INTS7: variants seen among roughly 807,000 people sequenced by gnomAD.
The protein encoded by INTS7 is integrator complex subunit 7.
INTS7 carries 46 observed loss-of-function variants against 109.2 expected under a neutral mutation model. That is an observed-to-expected ratio of 0.42 (90% CI 0.33 to 0.54). The LOEUF (loss-of-function observed/expected upper bound fraction) is 0.54, where lower values mean the gene tolerates loss of function less well. INTS7 is among the 20% of genes least tolerant of loss of function. INTS7 has a pLI of 0.07. For synonymous variants in INTS7, 412 were observed against 402.9 expected, an observed-to-expected ratio of 1.02 and a Z score of -0.27; for missense variants, 929 against 1,132.4, an observed-to-expected ratio of 0.82 and a Z score of 2.58.
intron 10 of INTS7, among the ~76,000 whole-genome samples, chr1:211,979,767 C>A (rs776716475): frequency 2.0e-5 from 3 of 152,198 alleles, no homozygotes; most frequent in Non-Finnish European, 4.4e-5. Context: ...TGGGCTCAAA[C>A]AATCTTTCCT....
At chr1:211,945,634 T>C (rs1662815675) in intron 18 of INTS7, among the ~76,000 whole-genome samples, 2 of 152,248 alleles carry the variant, frequency 1.3e-5, no homozygotes, top group Admixed American at 1.3e-4. Context: ...GATCGTCAAA[T>C]CTTCCTCATT....
rs370234040 is a variant in INTS7, at chr1:211,966,993, T to C, written c.2115-495A>G. 3.7e-4 allele frequency among the ~76,000 whole-genome samples: 56 copies of C among 152,330 alleles called. 1 individual carries two copies. Among genetic ancestry groups the C allele is most frequent in the African/African-American group, 1.2e-3 (50 of 41,576 alleles). On this transcript the variant is annotated intron_variant, in intron 15 of 19. Transcript: ENST00000366994. ...CACATTTTGGGTGTCTCTGTATATATGCATTTTGTAGGGCAGAGGGCCCAT... is the reference window on the plus strand; with the variant it reads ...CACATTTTGGGTGTCTCTGTATATACGCATTTTGTAGGGCAGAGGGCCCAT...
chr1:212,001,731 T>C (rs1328695673), intron 7 of INTS7, among the ~76,000 whole-genome samples: 1 of 152,192 alleles, frequency 6.6e-6, no homozygotes, highest in African/African-American at 2.4e-5. Context: ...GAACTATCAG[T>C]CCTTATCTTG....
chr1:211,982,588 A>T, intron 9 of INTS7, 88 bp downstream of exon 9: 1 of 1,066,620 alleles, frequency 9.4e-7, no homozygotes, highest in Non-Finnish European at 1.3e-6. Context: ...CACAGGCTAA[A>T]AATAAGGGAT....
At chr1:212,009,246 A>G (rs1666062865) in intron 5 of INTS7, among the ~76,000 whole-genome samples, 1 of 152,084 alleles carries the variant, frequency 6.6e-6, no homozygotes, top group African/African-American at 2.4e-5. Flanking sequence ...GTTCTTTCAG[A>G]TTTTTTTAAG....
At position 211,978,277 on chromosome 1, in the gene INTS7, G is replaced by C; in HGVS notation, c.1465C>G (p.Leu489Val). The change falls in exon 11 of 20, where the codon CTT becomes GTT. Residue 489 changes from leucine to valine, a missense_variant. Around this residue, in one of 2 missense-constraint regions of INTS7, gnomAD observed 787 missense variants for 901.1 expected, o/e 0.87. Transcript: ENST00000366994. ...GRSATDKQQE[L>V]LVSLATVIFV... ...ATTCAAAATGGGCTTTTTACCAGAAGTTCTTGTTGCTTGTCTGTGGCTGAT... is the reference window on the plus strand; with the variant it reads ...ATTCAAAATGGGCTTTTTACCAGAACTTCTTGTTGCTTGTCTGTGGCTGAT... 6.2e-7 allele frequency: 1 copy of C among 1,614,046 alleles called. No individual in the cohort carries two copies. The highest frequency in any genetic ancestry group is 8.5e-7 in the Non-Finnish European group (1 of 1,179,928).
At chr1:211,977,152 A>G (rs1664454599) in intron 11 of INTS7, among the ~76,000 whole-genome samples, 1 of 152,206 alleles carries the variant, frequency 6.6e-6, no homozygotes, top group African/African-American at 2.4e-5. Context: ...TAGTAAAAGA[A>G]TAACAGGCAT....
chr1:212,021,839 C>T (rs1306056031), intron 1 of INTS7, among the ~76,000 whole-genome samples: 1 of 151,862 alleles, frequency 6.6e-6, no homozygotes, highest in African/African-American at 2.4e-5. Flanking sequence ...CAGTGCAAGA[C>T]CCCATCTCAA....
chr1:211,967,418 C>T (rs1425535131), intron 15 of INTS7, among the ~76,000 whole-genome samples: 1 of 142,384 alleles, frequency 7.0e-6, no homozygotes, highest in African/African-American at 2.6e-5. Context: ...TGCCACTGCA[C>T]TCCAGCCTGG....
chr1:212,023,911 A>C (rs1014395593), intron 1 of INTS7, among the ~76,000 whole-genome samples: 1 of 152,230 alleles, frequency 6.6e-6, no homozygotes, highest in African/African-American at 2.4e-5. Flanking sequence ...GTAGGGGTCC[A>C]GTTTCATTCT....
chr1:211,953,092 G>A (rs552615411), intron 16 of INTS7, among the ~76,000 whole-genome samples: 4 of 152,302 alleles, frequency 2.6e-5, no homozygotes, highest in African/African-American at 9.6e-5. Flanking sequence ...TAAATAACAG[G>A]TCAGAACATG....
intron 19 of INTS7, among the ~76,000 whole-genome samples, chr1:211,944,052 C>T (rs1251241957): frequency 6.6e-6 from 1 of 152,036 alleles, no homozygotes; most frequent in Non-Finnish European, 1.5e-5. Flanking sequence ...CCTGAGTTCC[C>T]AAGGCAGCAA....
intron 8 of INTS7, 37 bp from the exon 9 acceptor site, chr1:211,982,847 C>A (rs1664722463): frequency 3.2e-6 from 5 of 1,544,146 alleles, no homozygotes; most frequent in Non-Finnish European, 4.4e-6. Flanking sequence ...AATTGTAATT[C>A]AAATAGTTCA....
At chr1:211,953,394 AT>A (rs774491833) in intron 16 of INTS7, among the ~76,000 whole-genome samples, 1 of 151,960 alleles carries the variant, frequency 6.6e-6, no homozygotes, top group African/African-American at 2.4e-5. Flanking sequence ...TTAACTTATT[AT>A]TTTTTAATTT....
At chr1:211,947,498 C>A (rs1662892307) in intron 17 of INTS7, among the ~76,000 whole-genome samples, 1 of 152,202 alleles carries the variant, frequency 6.6e-6, no homozygotes, top group Admixed American at 6.5e-5. Flanking sequence ...ATCCCTTCCT[C>A]AGTCTACTCC....
chr1:212,016,847 A>G, intron 4 of INTS7, 39 bp downstream of exon 4: 1 of 1,557,114 alleles, frequency 6.4e-7, no homozygotes, highest in African/African-American at 1.4e-5. Flanking sequence ...TTTCTTGGGA[A>G]GCCAAATTAC....
At chr1:211,966,600 G>A (rs1238618783) in intron 15 of INTS7, 102 bp from the exon 16 acceptor site, 11 of 709,162 alleles carry the variant, frequency 1.6e-5, no homozygotes, top group Non-Finnish European at 2.7e-5. Flanking sequence ...ATTGCCTAGT[G>A]AAGGTAATCA....
In INTS7 at chr1:212,011,377, T is replaced by TGA; in HGVS notation, c.552_553dup (p.Gln185LeufsTer4). On this transcript the variant is annotated frameshift_variant, in exon 5 of 20. Transcript: ENST00000366994. LOFTEE classifies it high-confidence loss of function. ...AATACTAAATGAAGAATACATACCT[T>TGA]GAATCATTTCACTGATTTTGTTACA... 1 of 1,542,424 alleles carries TGA rather than the reference T, an allele frequency of 6.5e-7. No homozygotes were observed. The highest frequency in any genetic ancestry group is 8.9e-7 in the Non-Finnish European group (1 of 1,120,004).
rs983702779 is a variant in INTS7 at position 211,959,509 on chromosome 1, C to A, written c.2184-6808G>T. On this transcript the variant is annotated intron_variant, in intron 16 of 19. Transcript: ENST00000366994. This position sits in a 1 kb window ranked among gnomAD's most constrained non-coding sequence, Gnocchi z 4.2. ...CTCACCTGCTCCCTCCCCGTACTGG[C>A]AGCTTTCCCTGGGCCCATGGCCACC... is the stretch of plus-strand genomic sequence containing the variant. Among the ~76,000 whole-genome samples the A allele has an allele frequency of 1.3e-5, 2 of 152,310 alleles. No individual in the cohort carries two copies. Among genetic ancestry groups the A allele is most frequent in the Admixed American group, 6.5e-5 (1 of 15,308 alleles).
Sources: gnomAD v4.1 joint callset for allele counts (sites outside exome capture counted in the v4.1 genomes callset) on GRCh38, gnomAD v4.1.1 for gene constraint, gnomAD v4.1.1 regional missense constraint, Gnocchi (gnomAD v3.1) non-coding constraint, MANE v1.5 for transcripts, NCBI Gene and HGNC (gene_info 2026-07-23, HGNC 2026-07-21) for gene names.